The following PCDH11Y variants were observed in gnomAD, a reference collection of about 807,000 sequenced individuals.
PCDH11Y encodes protocadherin 11 Y-linked.
For synonymous variants in PCDH11Y, 9 were observed against 83.6 expected, an observed-to-expected ratio of 0.11 and a Z score of 4.87; for missense variants, 12 against 224.8, an observed-to-expected ratio of 0.05 and a Z score of 6.05.
rs1602930335 is a variant in PCDH11Y at position 5,472,108 on chromosome Y, A to G, written c.3130-28949A>G. ...TCAAAACAATGTTTTAGATCTCTAG[A>G]GTAGAAATGCATTTCTTCCCTTCAT... On this transcript the variant is annotated intron_variant, in intron 2 of 4. Transcript: ENST00000400457. Among the ~76,000 whole-genome samples, 15 of 32,417 alleles carry G rather than the reference A, an allele frequency of 4.6e-4. No homozygotes were observed. In the South Asian group the frequency reaches 1.0e-2, roughly 22 times the overall value. The allele number at this position is 32,417 out of a possible 37,273, so 87.0% of individuals were successfully genotyped here. A position where few individuals can be genotyped will look rare whatever the true frequency, so the allele number is the denominator to read the frequency against.
chrY:5,407,660 T>C, intron 2 of PCDH11Y, among the ~76,000 whole-genome samples: 1 of 32,543 alleles, frequency 3.1e-5, no homozygotes, highest in South Asian at 6.9e-4. Flanking sequence ...AGGCCTGTAA[T>C]CCCAGCACTT....
At chrY:5,263,026 A>G in intron 2 of PCDH11Y, among the ~76,000 whole-genome samples, 1 of 33,719 alleles carries the variant, frequency 3.0e-5, no homozygotes, top group Non-Finnish European at 7.4e-5. Flanking sequence ...TCCACGTGGT[A>G]TAGAGCCTGC....
intron 2 of PCDH11Y, among the ~76,000 whole-genome samples, chrY:5,128,416 C>T: frequency 9.4e-5 from 3 of 31,954 alleles, no homozygotes; most frequent in Non-Finnish European, 2.3e-4. Flanking sequence ...GTACAGAAGA[C>T]TTCACCTTCT....
intron 4 of PCDH11Y, among the ~76,000 whole-genome samples, chrY:5,667,856 C>T: frequency 3.1e-5 from 1 of 32,369 alleles, no homozygotes; most frequent in Admixed American, 2.9e-4. Flanking sequence ...TACTGCAATG[C>T]CAAGCTTTCC....
chrY:5,208,516 G>A (rs2124650698), intron 2 of PCDH11Y, among the ~76,000 whole-genome samples: 3 of 32,980 alleles, frequency 9.1e-5, no homozygotes, highest in Admixed American at 2.8e-4. Context: ...AGTTACATTC[G>A]AAGTCTTTAG....
chrY:5,247,045 C>A (rs2124656287), intron 2 of PCDH11Y, among the ~76,000 whole-genome samples: 1 of 33,994 alleles, frequency 2.9e-5, no homozygotes, highest in East Asian at 7.7e-4. Flanking sequence ...AGCTAACTAT[C>A]CTAAATATAT....
At chrY:5,211,032 A>T in intron 2 of PCDH11Y, among the ~76,000 whole-genome samples, 1 of 30,435 alleles carries the variant, frequency 3.3e-5, no homozygotes. Flanking sequence ...ATCACAAATT[A>T]GTGGCTAAGA....
chrY:5,415,738 C>A (rs2124678940), intron 2 of PCDH11Y, among the ~76,000 whole-genome samples: 10 of 29,973 alleles, frequency 3.3e-4, no homozygotes, highest in Admixed American at 2.7e-3. Context: ...CCACACCAAA[C>A]CTTCTGGGCT....
intron 4 of PCDH11Y, among the ~76,000 whole-genome samples, chrY:5,594,441 G>A (rs1218915247): frequency 7.9e-3 from 243 of 30,674 alleles, no homozygotes; most frequent in Non-Finnish European, 0.017. Flanking sequence ...AGCAGTGGAA[G>A]GGCAGGGTTC....
chrY:5,213,421 T>C (rs2052941577), intron 2 of PCDH11Y, among the ~76,000 whole-genome samples: 1 of 31,632 alleles, frequency 3.2e-5, no homozygotes. Context: ...GTGAATAAGC[T>C]CAGCTGTCCA....
chrY:5,623,291 G>A (rs571106958), intron 4 of PCDH11Y, among the ~76,000 whole-genome samples: 916 of 28,117 alleles, frequency 0.033, no homozygotes, highest in Middle Eastern at 0.3. Flanking sequence ...TATTATGAAT[G>A]TTTTTAAAAA....
chrY:5,423,166 A>C, intron 2 of PCDH11Y, among the ~76,000 whole-genome samples: 2 of 32,416 alleles, frequency 6.2e-5, no homozygotes, highest in Admixed American at 5.7e-4. Context: ...AAGCATATTA[A>C]GAGATATTCA....
At chrY:5,130,053 A>G in intron 2 of PCDH11Y, among the ~76,000 whole-genome samples, 3 of 33,573 alleles carry the variant, frequency 8.9e-5, no homozygotes, top group Non-Finnish European at 2.2e-4. Context: ...ATGCCTGCAT[A>G]GTGTTCCATG....
chrY:5,059,327 T>A (rs2052669699), intron 1 of PCDH11Y, among the ~76,000 whole-genome samples: 1 of 32,878 alleles, frequency 3.0e-5, no homozygotes, highest in Non-Finnish European at 7.5e-5. Context: ...CATTTTAATT[T>A]TAATAGCCAC....
chrY:5,103,909 T>TA (rs2052783394), downstream of PCDH11Y, among the ~76,000 whole-genome samples: 13 of 32,694 alleles, frequency 4.0e-4, no homozygotes, highest in Non-Finnish European at 6.0e-4. Context: ...CTATACATTT[T>TA]AAAAAAAATA....
intron 4 of PCDH11Y, among the ~76,000 whole-genome samples, chrY:5,710,382 C>G: frequency 3.0e-5 from 1 of 32,964 alleles, no homozygotes; most frequent in Non-Finnish European, 7.5e-5. Context: ...TCTGGCTCCT[C>G]TCTCTCTTTG....
chrY:5,129,478 C>CACAGAGAG (rs2052830805), intron 2 of PCDH11Y, among the ~76,000 whole-genome samples: 15 of 12,473 alleles, frequency 1.2e-3, no homozygotes, highest in African/African-American at 4.5e-3. Flanking sequence ...CACACACACA[C>CACAGAGAG]AGAGAGAGAG....
chrY:5,382,429 G>A (rs2573917), intron 2 of PCDH11Y, among the ~76,000 whole-genome samples: 1 of 33,226 alleles, frequency 3.0e-5, no homozygotes, highest in Admixed American at 2.8e-4. Flanking sequence ...AAGGATAGAA[G>A]GATTAGTCAA....
chrY:5,294,875 G>C (rs2053071849), intron 2 of PCDH11Y, among the ~76,000 whole-genome samples: 1 of 32,771 alleles, frequency 3.1e-5, no homozygotes, highest in Non-Finnish European at 7.5e-5. Context: ...ATTTCTCCTT[G>C]CTCATTATCA....
Sources: allele counts gnomAD v4.1 joint callset (sites outside exome capture counted in the v4.1 genomes callset), GRCh38; gene constraint gnomAD v4.1.1; transcripts MANE v1.5; gene names NCBI Gene and HGNC (gene_info 2026-07-23, HGNC 2026-07-21).